KCNJ6: variants seen among roughly 807,000 people sequenced by gnomAD.
The protein encoded by KCNJ6 is G protein-activated inward rectifier potassium channel 2.
Under a neutral mutation model 34.2 loss-of-function variants are expected in KCNJ6, and 9 were observed. The observed-to-expected ratio is 0.26, with a 90% CI of 0.16 to 0.46. The LOEUF (loss-of-function observed/expected upper bound fraction) is 0.46, where lower values mean the gene tolerates loss of function less well. Ranked by LOEUF, KCNJ6 falls within the 20% of genes least tolerant of loss-of-function variation. The pLI, the probability that KCNJ6 is intolerant of heterozygous loss-of-function variation, is 1.00. For missense variants in KCNJ6, 236 were observed against 531.3 expected, an observed-to-expected ratio of 0.44 and a Z score of 5.46; for synonymous variants, 196 against 207.1, an observed-to-expected ratio of 0.95 and a Z score of 0.46.
chr21:37,631,081 T>A (rs901652052), intron 3 of KCNJ6, among the ~76,000 whole-genome samples: 2 of 152,174 alleles, frequency 1.3e-5, no homozygotes, highest in Admixed American at 1.3e-4. Flanking sequence ...TATATGTGTC[T>A]GTTTTCCTTG....
At chr21:37,878,762 T>G (rs1177946290) in intron 1 of KCNJ6, among the ~76,000 whole-genome samples, 1 of 151,498 alleles carries the variant, frequency 6.6e-6, no homozygotes, top group Non-Finnish European at 1.5e-5. Flanking sequence ...GGAAAGAGGG[T>G]CCGGGAGGGA....
At chr21:37,852,263 G>A (rs1298260825) in intron 1 of KCNJ6, among the ~76,000 whole-genome samples, 1 of 152,178 alleles carries the variant, frequency 6.6e-6, no homozygotes, top group Non-Finnish European at 1.5e-5. Context: ...ACCATATGGG[G>A]AGCCTGGTCC....
intron 2 of KCNJ6, among the ~76,000 whole-genome samples, chr21:37,783,758 G>A (rs1197905992): frequency 6.6e-6 from 1 of 152,190 alleles, no homozygotes. Context: ...GTTTGGAGAT[G>A]GGGCCCCTAA....
intron 2 of KCNJ6, among the ~76,000 whole-genome samples, chr21:37,734,496 T>A (rs1248501375): frequency 6.6e-6 from 1 of 152,176 alleles, no homozygotes; most frequent in East Asian, 1.9e-4. Flanking sequence ...ACAAAAAGCC[T>A]CAATTTGTAG....
intron 3 of KCNJ6, among the ~76,000 whole-genome samples, chr21:37,707,861 C>T (rs988161526): frequency 6.6e-6 from 1 of 151,638 alleles, no homozygotes; most frequent in South Asian, 2.1e-4. Flanking sequence ...TAATAAAACT[C>T]TATTTGTTTA....
At chr21:37,733,403 G>C (rs1053709097) in intron 2 of KCNJ6, among the ~76,000 whole-genome samples, 1 of 152,112 alleles carries the variant, frequency 6.6e-6, no homozygotes, top group Non-Finnish European at 1.5e-5. Flanking sequence ...TCGGAGATGG[G>C]CATTTCCTTT....
intron 1 of KCNJ6, among the ~76,000 whole-genome samples, chr21:37,894,272 C>T (rs1282279302): frequency 6.6e-6 from 1 of 152,150 alleles, no homozygotes; most frequent in Non-Finnish European, 1.5e-5. Context: ...AATCCCAGGC[C>T]CCACCCCCGA....
chr21:37,778,846 C>T (rs1257033518), intron 2 of KCNJ6, among the ~76,000 whole-genome samples: 1 of 151,878 alleles, frequency 6.6e-6, no homozygotes, highest in South Asian at 2.1e-4. Context: ...CCTCTGTAAA[C>T]CTGACCCATT....
intron 3 of KCNJ6, among the ~76,000 whole-genome samples, chr21:37,657,126 C>T (rs2054467858): frequency 6.6e-6 from 1 of 152,140 alleles, no homozygotes; most frequent in Admixed American, 6.5e-5. Flanking sequence ...CCAGTCCACC[C>T]AGAACCCCTG....
chr21:37,870,584 C>CA (rs201828842), intron 1 of KCNJ6, among the ~76,000 whole-genome samples: 11 of 54,106 alleles, frequency 2.0e-4, no homozygotes, highest in African/African-American at 1.0e-3. Context: ...TAGAACAATT[C>CA]AAAATTTTGT....
chr21:37,644,552 G>A (rs1054121910), intron 3 of KCNJ6, among the ~76,000 whole-genome samples: 4 of 152,056 alleles, frequency 2.6e-5, no homozygotes, highest in East Asian at 3.9e-4. Flanking sequence ...GAAATAGAAC[G>A]TGTAAACCTC....
intron 2 of KCNJ6, among the ~76,000 whole-genome samples, chr21:37,724,823 T>C (rs1296947211): frequency 6.6e-6 from 1 of 152,108 alleles, no homozygotes; most frequent in Non-Finnish European, 1.5e-5. Context: ...GACAACTGAT[T>C]GCCCTCCTGG....
At chr21:37,905,826 C>T (rs781195514) in intron 1 of KCNJ6, among the ~76,000 whole-genome samples, 4 of 152,204 alleles carry the variant, frequency 2.6e-5, no homozygotes, top group Non-Finnish European at 4.4e-5. Flanking sequence ...GATTTGTCAA[C>T]TGACTAACCC....
intron 3 of KCNJ6, among the ~76,000 whole-genome samples, chr21:37,642,579 A>C (rs1260596049): frequency 1.3e-5 from 2 of 152,118 alleles, no homozygotes; most frequent in Non-Finnish European, 2.9e-5. Flanking sequence ...AATATAGAAA[A>C]GTTTCTCAAG....
intron 3 of KCNJ6, among the ~76,000 whole-genome samples, chr21:37,631,773 T>C (rs748400482): frequency 2.6e-5 from 4 of 152,180 alleles, no homozygotes; most frequent in Non-Finnish European, 4.4e-5. Flanking sequence ...GGTGCTGCTG[T>C]GAGTCAGAGA....
intron 2 of KCNJ6, among the ~76,000 whole-genome samples, chr21:37,815,986 G>A (rs1183809714): frequency 6.6e-6 from 1 of 152,188 alleles, no homozygotes; most frequent in Non-Finnish European, 1.5e-5. Context: ...GTGAATACAG[G>A]CTCTGCTCCC....
intron 2 of KCNJ6, among the ~76,000 whole-genome samples, chr21:37,770,835 CTTCTT>C (rs1001728170): frequency 5.3e-5 from 8 of 152,048 alleles, no homozygotes; most frequent in African/African-American, 1.4e-4. Flanking sequence ...TGTTTTCCCC[CTTCTT>C]TTATCTCCTA....
chr21:37,703,290 G>A (rs1277113707), intron 3 of KCNJ6, among the ~76,000 whole-genome samples: 2 of 152,130 alleles, frequency 1.3e-5, no homozygotes, highest in Admixed American at 6.6e-5. Context: ...GATGGAACAG[G>A]GCTCCACAGC....
chr21:37,874,608 T>C (rs191156257), intron 1 of KCNJ6, among the ~76,000 whole-genome samples: 156 of 152,330 alleles, frequency 1.0e-3, no homozygotes, highest in African/African-American at 3.6e-3. Context: ...GGTCTAAGGA[T>C]AGAAAGATGA....
Sources: gnomAD v4.1 joint callset for allele counts (sites outside exome capture counted in the v4.1 genomes callset) on GRCh38, gnomAD v4.1.1 for gene constraint, MANE v1.5 for transcripts, NCBI Gene and HGNC (gene_info 2026-07-23, HGNC 2026-07-21) for gene names.